Variants in PLA2G4A observed in about 807,000 individuals in gnomAD.
PLA2G4A encodes the protein phospholipase A2 group IVA.
Under a neutral mutation model 81.9 loss-of-function variants are expected in PLA2G4A, and 40 were observed. The observed-to-expected ratio is 0.49, with a 90% CI of 0.38 to 0.64. The LOEUF (loss-of-function observed/expected upper bound fraction) is 0.64. Ranked by LOEUF, PLA2G4A falls within the 30% of genes least tolerant of loss-of-function variation. The pLI, the probability that PLA2G4A is intolerant of heterozygous loss-of-function variation, is 0.00. For synonymous variants in PLA2G4A, 302 were observed against 296.9 expected (o/e 1.02, Z -0.18); for missense variants, 715 against 905.1 (o/e 0.79, Z 2.69).
chr1:186,950,423 T>C (rs1459980970), intron 12 of PLA2G4A, among the ~76,000 whole-genome samples: 1 of 152,152 alleles, frequency 6.6e-6, no homozygotes, highest in Non-Finnish European at 1.5e-5. Flanking sequence ...CTTTAAGTCA[T>C]GAATTAATAA....
chr1:186,884,950 G>A (rs1434120172), intron 3 of PLA2G4A, among the ~76,000 whole-genome samples: 1 of 151,748 alleles, frequency 6.6e-6, no homozygotes, highest in Admixed American at 6.6e-5. Flanking sequence ...TTTTCCCTCA[G>A]TCTATTAGTT....
In PLA2G4A at chr1:186,890,013, C is replaced by A. The variant is rs555591243; in HGVS notation, c.116-2998C>A. Among the ~76,000 whole-genome samples, 23 of 152,264 alleles carry A rather than the reference C, an allele frequency of 1.5e-4. No homozygotes were observed. In the South Asian group the frequency reaches 4.8e-3, roughly 32 times the overall value. ...ACAGAATGCTTAATATTTCTCAGTT[C>A]CTGTTACTTTAACACTAAAATAAAG... On this transcript the variant is annotated intron_variant, in intron 3 of 17. Coordinates refer to ENST00000367466, the MANE Select transcript of PLA2G4A (RefSeq NM_024420.3).
intron 3 of PLA2G4A, among the ~76,000 whole-genome samples, chr1:186,891,835 A>T (rs1654155619): frequency 6.6e-6 from 1 of 152,142 alleles, no homozygotes; most frequent in South Asian, 2.1e-4. Context: ...TTGCTTGGTC[A>T]TATGGTAGCT....
At chr1:186,945,751 G>C (rs757730850) in intron 10 of PLA2G4A, among the ~76,000 whole-genome samples, 1 of 152,112 alleles carries the variant, frequency 6.6e-6, no homozygotes, top group South Asian at 2.1e-4. Flanking sequence ...TAGAAAATGG[G>C]AATCAGAAAC....
At chr1:186,844,466 G>A (rs955004728) in intron 1 of PLA2G4A, among the ~76,000 whole-genome samples, 5 of 152,192 alleles carry the variant, frequency 3.3e-5, no homozygotes, top group African/African-American at 1.2e-4. Flanking sequence ...CCAGTATAGT[G>A]GAGAAAGCTT....
intron 3 of PLA2G4A, among the ~76,000 whole-genome samples, chr1:186,887,951 A>G (rs1653994254): frequency 6.6e-6 from 1 of 152,198 alleles, no homozygotes; most frequent in South Asian, 2.1e-4. Context: ...TGTTATAGAT[A>G]TTTCTTAGCT....
chr1:186,918,191 CTGCTTT>C lies in PLA2G4A; in HGVS notation c.558+6804_558+6809del, dbSNP rs371289757. 6.1e-3 allele frequency among the ~76,000 whole-genome samples: 924 copies of C among 152,268 alleles called. 14 individuals are homozygous for C. The highest frequency in any genetic ancestry group is 0.022 in the African/African-American group (896 of 41,544). On this transcript the variant is annotated intron_variant, in intron 7 of 17. Coordinates refer to ENST00000367466, the MANE Select transcript of PLA2G4A (RefSeq NM_024420.3). The stretch of plus-strand genomic sequence containing the variant: ...ATCGATGCCCAGTAAGGGGTAGATG[CTGCTTT>C]TTGAGCTTCTGAATCAGGTCGAGAG...
chr1:186,845,567 C>T (rs560049305), intron 1 of PLA2G4A, among the ~76,000 whole-genome samples: 20 of 152,228 alleles, frequency 1.3e-4, no homozygotes, highest in Non-Finnish European at 2.2e-4. Flanking sequence ...AATATCTCCA[C>T]GCGTCTATAC....
chr1:186,848,033 G>A (rs184145203), intron 1 of PLA2G4A, among the ~76,000 whole-genome samples: 231 of 152,210 alleles, frequency 1.5e-3, no homozygotes, highest in Non-Finnish European at 2.2e-3. Flanking sequence ...CCTATACAAG[G>A]CGTTTGCCTG....
At position 186,939,039 on chromosome 1, in the gene PLA2G4A, T is replaced by A. The variant is rs1324852927; in HGVS notation, c.727T>A (p.Phe243Ile). The stretch of plus-strand genomic sequence containing the variant: ...GTCAACCTTGTATTCTCACCCTGAT[T>A]TTCCAGAGAAAGGGCCAGAGGAGAT... ...YMSTLYSHPD[F>I]PEKGPEEINE... The change falls in exon 9 of 18, where the codon TTT becomes ATT. Residue 243 changes from phenylalanine to isoleucine, a missense_variant. Phe to Ile is a conservative substitution (Grantham distance 21). Transcript: ENST00000367466. 1.2e-6 allele frequency: 2 copies of A among 1,607,630 alleles called. No homozygotes were observed.
At chr1:186,876,188 C>T (rs1030031203) in intron 3 of PLA2G4A, among the ~76,000 whole-genome samples, 1 of 152,026 alleles carries the variant, frequency 6.6e-6, no homozygotes, top group Admixed American at 6.6e-5. Context: ...TTATAAGATT[C>T]GCGAAATAAC....
chr1:186,939,492 GAAAAAAA>G (rs10599543), intron 9 of PLA2G4A, among the ~76,000 whole-genome samples: 38,150 of 143,166 alleles, frequency 0.27, 5,447 homozygotes, highest in African/African-American at 0.39. Context: ...CTTTTCTCTG[GAAAAAAA>G]AAAAAAAAAA....
Position 186,828,974 on chromosome 1 carries a change from C to T in PLA2G4A, c.-131C>T, listed in dbSNP as rs1385445937. On this transcript the variant is annotated 5_prime_UTR_variant, in exon 1 of 18. Transcript: ENST00000367466. ...ACTCAGGATAAGACTTTCTCTAAGT[C>T]CGGAGCTGAAAAAGGATCCTGACTG... 6.6e-6 allele frequency: 1 copy of T among 152,118 alleles called. No homozygotes were observed. Among genetic ancestry groups the T allele is most frequent in the Non-Finnish European group, 1.5e-5 (1 of 68,012 alleles). 9.4% of individuals were successfully genotyped at this position (152,118 alleles called of 1,614,324 possible). A position where few individuals can be genotyped will look rare whatever the true frequency, so the allele number is the denominator to read the frequency against.
Position 186,965,528 on chromosome 1 carries a change from G to A in PLA2G4A, c.1699G>A (p.Gly567Arg), listed in dbSNP as rs1176200253. The change falls in exon 15 of 18, where the codon GGG becomes AGG. Residue 567 changes from glycine (G) to arginine (R), a missense_variant. By Grantham distance (125) the Gly-to-Arg change is moderately radical (BLOSUM62 -2). Transcript: ENST00000367466. ...PYPLILRPQR[G>R]VDLIISFDFS... ...TCCCTTGATACTGAGACCTCAGAGA[G>A]GGGTTGATCTCATAATCTCCTTTGA... 5 of 1,613,226 alleles carry A rather than the reference G, an allele frequency of 3.1e-6. No homozygotes were observed. Among genetic ancestry groups the A allele is most frequent in the African/African-American group, 1.3e-5 (1 of 75,054 alleles).
intron 1 of PLA2G4A, among the ~76,000 whole-genome samples, chr1:186,848,916 G>T (rs1290712153): frequency 6.6e-6 from 1 of 152,068 alleles, no homozygotes; most frequent in African/African-American, 2.4e-5. Context: ...GAACAGAGTG[G>T]TTATGAATGA....
chr1:186,974,450 A>G (rs1034638469), intron 15 of PLA2G4A, among the ~76,000 whole-genome samples: 10 of 152,178 alleles, frequency 6.6e-5, no homozygotes, highest in Admixed American at 6.5e-4. Context: ...AGCCAAGATC[A>G]GGCCACAGCA....
intron 3 of PLA2G4A, among the ~76,000 whole-genome samples, chr1:186,884,855 G>A (rs1481113207): frequency 1.3e-5 from 2 of 149,816 alleles, no homozygotes; most frequent in East Asian, 4.0e-4. Flanking sequence ...TGGTGCCACT[G>A]CACTCCAGGC....
rs140718967 is a variant in PLA2G4A at position 186,905,116 on chromosome 1, A to T, written c.379-1849A>T. 2.8e-4 allele frequency among the ~76,000 whole-genome samples: 42 copies of T among 152,280 alleles called. 1 individual carries two copies. The East Asian group carries it at 5.4e-3, about 20-fold the overall frequency. Reference sequence around the variant, plus strand: ...GTGATCCACCTGCCTTGGTCTCCCAAAGTGCTGGGATTACAGGTGTGAGCC... The same window carrying T: ...GTGATCCACCTGCCTTGGTCTCCCATAGTGCTGGGATTACAGGTGTGAGCC... On this transcript the variant is annotated intron_variant, in intron 5 of 17. Transcript: ENST00000367466.
intron 1 of PLA2G4A, among the ~76,000 whole-genome samples, chr1:186,853,567 G>A (rs571601296): frequency 9.9e-5 from 15 of 151,980 alleles, no homozygotes; most frequent in Non-Finnish European, 1.9e-4. Context: ...CAAATTAGAT[G>A]TAACTTATAA....
Sources: allele counts gnomAD v4.1 joint callset (sites outside exome capture counted in the v4.1 genomes callset), GRCh38; gene constraint gnomAD v4.1.1; transcripts MANE v1.5; gene names NCBI Gene and HGNC (gene_info 2026-07-23, HGNC 2026-07-21).